Variants in CDC73 observed in about 807,000 individuals in gnomAD.
CDC73 encodes the protein cell division cycle 73, also known as parafibromin.
In CDC73, 21 loss-of-function variants were observed where a neutral mutation model predicts 83.7. That is an observed-to-expected ratio of 0.25 (90% CI 0.18 to 0.36). The LOEUF (loss-of-function observed/expected upper bound fraction) is 0.36, where lower values mean the gene tolerates loss of function less well. Ranked by LOEUF, CDC73 falls within the 10% of genes least tolerant of loss-of-function variation. The pLI is 1.00. For synonymous variants in CDC73, 224 were observed against 212.9 expected (o/e 1.05, Z -0.45); for missense variants, 342 against 653.3 (o/e 0.52, Z 5.19).
intron 10 of CDC73, 51 bp downstream of exon 10, chr1:193,152,495 G>A: frequency 1.8e-6 from 2 of 1,128,218 alleles, no homozygotes; most frequent in Non-Finnish European, 2.7e-6. Context: ...TTTTATGTGA[G>A]TAGCACATGT....
At chr1:193,206,595 T>G (rs1270858179) in intron 11 of CDC73, among the ~76,000 whole-genome samples, 1 of 152,206 alleles carries the variant, frequency 6.6e-6, no homozygotes, top group Non-Finnish European at 1.5e-5. Context: ...TACACTAGTA[T>G]TATTTCTTTA....
chr1:193,160,389 C>A (rs935811372), intron 10 of CDC73, among the ~76,000 whole-genome samples: 2 of 151,880 alleles, frequency 1.3e-5, no homozygotes, highest in African/African-American at 4.8e-5. Flanking sequence ...GAATAGGAAA[C>A]ACAGAAACCA....
intron 15 of CDC73, among the ~76,000 whole-genome samples, chr1:193,243,748 G>A (rs991223039): frequency 6.6e-6 from 1 of 152,014 alleles, no homozygotes; most frequent in African/African-American, 2.4e-5. Flanking sequence ...ATTACATGTA[G>A]CCCCTTTAAT....
intron 7 of CDC73, among the ~76,000 whole-genome samples, chr1:193,144,076 C>T (rs1572156047): frequency 2.5e-5 from 3 of 119,674 alleles, no homozygotes; most frequent in African/African-American, 9.4e-5. Flanking sequence ...TGCCATTGCA[C>T]TCTAGCCTGG....
At chr1:193,241,848 G>A (rs540347614) in intron 15 of CDC73, among the ~76,000 whole-genome samples, 2 of 152,190 alleles carry the variant, frequency 1.3e-5, no homozygotes, top group Non-Finnish European at 2.9e-5. Context: ...CCTCCAGGTC[G>A]CAGGCAGGGG....
chr1:193,250,816 AT>A lies in CDC73; in HGVS notation c.*107del, dbSNP rs1256932425. 3.7e-5 allele frequency: 38 copies of A among 1,035,388 alleles called. No homozygotes were observed. The highest frequency in any genetic ancestry group is 5.1e-5 in the Non-Finnish European group (34 of 664,464). 64.1% of individuals were successfully genotyped at this position (1,035,388 alleles called of 1,614,324 possible). Reference sequence around the variant, plus strand: ...ACAGATTGATCTTTTATAAGACCTTATTTGATGCTTTGTGCTTCAAGGAGAT... The same window carrying A: ...ACAGATTGATCTTTTATAAGACCTTATTGATGCTTTGTGCTTCAAGGAGAT... On this transcript the variant is annotated 3_prime_UTR_variant, in exon 17 of 17. Coordinates refer to ENST00000367435, the MANE Select transcript of CDC73 (RefSeq NM_024529.5).
intron 15 of CDC73, 146 bp from the exon 16 acceptor site, chr1:193,249,584 C>G (rs988594032): frequency 4.6e-6 from 3 of 646,598 alleles, no homozygotes. Context: ...CAGTGGCTGG[C>G]GTGTATAAAC....
At chr1:193,214,272 C>T (rs994444860) in intron 13 of CDC73, among the ~76,000 whole-genome samples, 2 of 152,114 alleles carry the variant, frequency 1.3e-5, no homozygotes, top group Admixed American at 6.5e-5. Flanking sequence ...TTTAGCATTT[C>T]CAGGTGTTTA....
At chr1:193,239,088 C>T (rs748282459) in intron 15 of CDC73, among the ~76,000 whole-genome samples, 8 of 152,300 alleles carry the variant, frequency 5.3e-5, no homozygotes, top group Admixed American at 2.6e-4. Flanking sequence ...ATGTCTTTAG[C>T]TCAATATTCT....
chr1:193,249,721 T>C lies in CDC73; in HGVS notation c.1418-9T>C. The C allele has an allele frequency of 6.2e-7, 1 of 1,603,182 alleles. No homozygotes were observed. The highest frequency in any genetic ancestry group is 1.1e-5 in the South Asian group (1 of 90,854). ...TAAAAATGATAACTTCTCTCCACCC[T>C]CTCTATAGTTAAAGCCTTCCATCTG... On this transcript the variant is annotated splice_polypyrimidine_tract_variant and intron_variant, in intron 15 of 16. Transcript: ENST00000367435.
chr1:193,193,824 TGTG>T, intron 10 of CDC73, among the ~76,000 whole-genome samples: 1 of 143,420 alleles, frequency 7.0e-6, no homozygotes, highest in African/African-American at 2.5e-5. Context: ...TGTGTGTGTG[TGTG>T]TGTTGTGGGG....
intron 10 of CDC73, among the ~76,000 whole-genome samples, chr1:193,158,877 A>T (rs1286511013): frequency 1.3e-5 from 2 of 152,182 alleles, no homozygotes; most frequent in African/African-American, 4.8e-5. Flanking sequence ...AGTTTATTTT[A>T]TATACTTGTT....
chr1:193,128,817 GATAC>G (rs1463090686), intron 2 of CDC73, among the ~76,000 whole-genome samples: 14 of 152,140 alleles, frequency 9.2e-5, no homozygotes, highest in Non-Finnish European at 5.9e-5. Context: ...ATTGGCCAAA[GATAC>G]TAAAGGTTCT....
intron 15 of CDC73, among the ~76,000 whole-genome samples, chr1:193,242,711 A>G (rs897420546): frequency 1.3e-5 from 2 of 152,108 alleles, no homozygotes; most frequent in African/African-American, 2.4e-5. Context: ...TTTTTATTTA[A>G]TAATCTTCTG....
intron 11 of CDC73, among the ~76,000 whole-genome samples, chr1:193,207,508 C>T (rs1011644248): frequency 2.0e-5 from 3 of 152,152 alleles, no homozygotes; most frequent in African/African-American, 4.8e-5. Flanking sequence ...ACTCCCAGAG[C>T]AGCCCTTTAT....
chr1:193,214,131 A>G (rs747800577), intron 13 of CDC73, among the ~76,000 whole-genome samples: 8 of 152,180 alleles, frequency 5.3e-5, no homozygotes, highest in African/African-American at 1.4e-4. Flanking sequence ...GTAAAAGCCA[A>G]TTCTTAGTAC....
At chr1:193,183,015 G>A (rs1676744468) in intron 10 of CDC73, among the ~76,000 whole-genome samples, 1 of 151,956 alleles carries the variant, frequency 6.6e-6, no homozygotes, top group African/African-American at 2.4e-5. Context: ...TATTTAGCCT[G>A]TGATAATGAG....
chr1:193,239,661 T>G (rs1475432876), intron 15 of CDC73, among the ~76,000 whole-genome samples: 1 of 152,198 alleles, frequency 6.6e-6, no homozygotes, highest in East Asian at 1.9e-4. Flanking sequence ...ATGTGATATT[T>G]TGTTACATGG....
At chr1:193,217,855 G>C (rs1304608290) in intron 13 of CDC73, among the ~76,000 whole-genome samples, 1 of 152,062 alleles carries the variant, frequency 6.6e-6, no homozygotes, top group Non-Finnish European at 1.5e-5. Flanking sequence ...TCATTTAAAG[G>C]GACCATGCTC....
Sources: gnomAD v4.1 joint callset for allele counts (sites outside exome capture counted in the v4.1 genomes callset) on GRCh38, gnomAD v4.1.1 for gene constraint, MANE v1.5 for transcripts, NCBI Gene and HGNC (gene_info 2026-07-23, HGNC 2026-07-21) for gene names.